Variants in THSD4 observed in about 807,000 individuals in gnomAD.
THSD4 encodes the protein thrombospondin type-1 domain-containing protein 4.
Under a neutral mutation model 119.0 loss-of-function variants are expected in THSD4, and 69 were observed. The ratio of observed to expected loss-of-function variants is 0.58; its 90% CI spans 0.48 to 0.71. The LOEUF is 0.71. THSD4 is among the 30% of genes least tolerant of loss of function. THSD4 has a pLI of 0.00. For missense variants in THSD4, 1,393 were observed against 1,391.1 expected (o/e 1.00, Z -0.02); for synonymous variants, 524 against 540.4 (o/e 0.97, Z 0.42).
chr15:71,097,724 ATATATT>A (rs1242737127), intron 1 of THSD4, among the ~76,000 whole-genome samples: 54 of 133,692 alleles, frequency 4.0e-4, no homozygotes, highest in African/African-American at 1.4e-3. Flanking sequence ...ATATATATAT[ATATATT>A]TTTTTTTTTA....
At chr15:71,347,412 C>A (rs1187722740) in intron 6 of THSD4, among the ~76,000 whole-genome samples, 2 of 152,216 alleles carry the variant, frequency 1.3e-5, no homozygotes, top group African/African-American at 2.4e-5. Context: ...GGGCCACTGC[C>A]AGATGGACAT....
intron 3 of THSD4, chr15:71,165,454 C>G: frequency 1.4e-6 from 2 of 1,382,246 alleles, no homozygotes; most frequent in Non-Finnish European, 2.0e-6. Context: ...CAGAGTCGCC[C>G]AGTGCCCGTC....
intron 4 of THSD4, among the ~76,000 whole-genome samples, chr15:71,220,200 G>C (rs1278538839): frequency 6.6e-6 from 1 of 152,148 alleles, no homozygotes; most frequent in Non-Finnish European, 1.5e-5. Flanking sequence ...GTAGAGATAC[G>C]ACCAGGGTTC....
At chr15:71,254,691 G>A (rs2044294631) in intron 5 of THSD4, among the ~76,000 whole-genome samples, 1 of 152,240 alleles carries the variant, frequency 6.6e-6, no homozygotes, top group South Asian at 2.1e-4. Context: ...CCAAAGGCAT[G>A]TGAAAAGCAT....
At chr15:71,506,663 A>G (rs1393060564) in intron 7 of THSD4, among the ~76,000 whole-genome samples, 1 of 152,234 alleles carries the variant, frequency 6.6e-6, no homozygotes, top group Non-Finnish European at 1.5e-5. Context: ...GTAAAGGATC[A>G]GATGATCCCA....
chr15:71,111,467 AG>A, upstream of THSD4: 4 of 1,448,610 alleles, frequency 2.8e-6, no homozygotes, highest in Admixed American at 2.1e-5. Context: ...GGAGGCAAGC[AG>A]GGGAGGGAAT....
chr15:71,350,331 G>A (rs905405743), intron 6 of THSD4, among the ~76,000 whole-genome samples: 28 of 151,770 alleles, frequency 1.8e-4, no homozygotes, highest in Admixed American at 1.5e-3. Flanking sequence ...TTCGTTTTTG[G>A]CACCTTCACT....
At chr15:71,321,180 G>A (rs969426791) in intron 6 of THSD4, among the ~76,000 whole-genome samples, 1 of 152,170 alleles carries the variant, frequency 6.6e-6, no homozygotes, top group African/African-American at 2.4e-5. Flanking sequence ...CCAGTTATTT[G>A]ACTGAAATAA....
intron 7 of THSD4, among the ~76,000 whole-genome samples, chr15:71,602,713 TGGG>T (rs1217446092): frequency 2.6e-5 from 4 of 152,098 alleles, no homozygotes; most frequent in African/African-American, 7.2e-5. Flanking sequence ...TGCCAGGGGC[TGGG>T]AGTAGAAGGG....
rs140448081 is a variant in THSD4 at position 71,569,600 on chromosome 15, T to A, written c.1153-90930T>A. Among the ~76,000 whole-genome samples the A allele has an allele frequency of 6.5e-3, 992 of 152,346 alleles. 14 individuals carry two copies. The highest frequency in any genetic ancestry group is 0.021 in the African/African-American group (877 of 41,578). Reference sequence around the variant, plus strand: ...GAGTAAGACTGGTGTCTAAACTCCGTGCCTTTACATCTAACTAGAGATGTG... The same window carrying A: ...GAGTAAGACTGGTGTCTAAACTCCGAGCCTTTACATCTAACTAGAGATGTG... On this transcript the variant is annotated intron_variant, in intron 7 of 17. Transcript: ENST00000261862.
chr15:71,115,495 G>A lies in THSD4; in HGVS notation c.-283G>A, dbSNP rs2040350141. The stretch of plus-strand genomic sequence containing the variant: ...CGCAAACTCTGAGCCAGAGCTCTCC[G>A]CGCGCGCCTGAACCGCTGGCCGCCC... On this transcript the variant is annotated 5_prime_UTR_variant, in exon 1 of 18. Transcript: ENST00000261862. The surrounding 1 kb of genome is among the most constrained non-coding windows in gnomAD (Gnocchi z 4.4). 6.6e-6 allele frequency: 1 copy of A among 151,930 alleles called. No homozygotes were observed. The highest frequency in any genetic ancestry group is 2.4e-5 in the African/African-American group (1 of 41,420). 9.4% of individuals were successfully genotyped at this position (151,930 alleles called of 1,614,324 possible).
intron 7 of THSD4, among the ~76,000 whole-genome samples, chr15:71,471,232 C>A (rs2047574823): frequency 1.3e-5 from 2 of 152,096 alleles, no homozygotes; most frequent in African/African-American, 4.8e-5. Context: ...TGGATGTGAG[C>A]ACATGGGCCC....
At chr15:71,264,940 A>T (rs1196830067) in intron 6 of THSD4, among the ~76,000 whole-genome samples, 2 of 152,152 alleles carry the variant, frequency 1.3e-5, no homozygotes, top group African/African-American at 2.4e-5. Context: ...TTAGAGCCCT[A>T]ACCCCCAGCG....
At chr15:71,160,892 A>G (rs541963938) in intron 3 of THSD4, among the ~76,000 whole-genome samples, 1 of 151,642 alleles carries the variant, frequency 6.6e-6, no homozygotes, top group Non-Finnish European at 1.5e-5. Context: ...TATTAGAAAT[A>G]TTTCTTGATT....
intron 7 of THSD4, among the ~76,000 whole-genome samples, chr15:71,633,646 A>C (rs112846936): frequency 1.3e-4 from 20 of 152,320 alleles, no homozygotes; most frequent in African/African-American, 4.8e-4. Flanking sequence ...ATATTTGTAT[A>C]AATTATTAAT....
chr15:71,195,871 AC>A (rs2043715073), intron 3 of THSD4, among the ~76,000 whole-genome samples: 1 of 152,156 alleles, frequency 6.6e-6, no homozygotes, highest in African/African-American at 2.4e-5. Flanking sequence ...ATATTCAATA[AC>A]CTGCAAGCTG....
intron 6 of THSD4, among the ~76,000 whole-genome samples, chr15:71,318,217 T>C (rs1215923648): frequency 6.6e-5 from 10 of 152,110 alleles, no homozygotes; most frequent in Admixed American, 6.5e-4. Context: ...GCAGTGAATT[T>C]GGGAAGACAG....
chr15:71,577,091 C>CA lies in THSD4; in HGVS notation c.1153-83425dup, dbSNP rs33941509. 4.3e-3 allele frequency among the ~76,000 whole-genome samples: 609 copies of CA among 142,540 alleles called. 6 individuals carry two copies. Among genetic ancestry groups the CA allele is most frequent in the African/African-American group, 0.013 (515 of 38,346 alleles). The allele number at this position is 142,540 out of a possible 152,430, so 93.5% of individuals were successfully genotyped here. Reference sequence around the variant, plus strand: ...AGAGTATATTACATGATTGTCCTAACAAAAAAAAAAAAAACCTTTAGTACT... The same window carrying CA: ...AGAGTATATTACATGATTGTCCTAACAAAAAAAAAAAAAAACCTTTAGTACT... On this transcript the variant is annotated intron_variant, in intron 7 of 17. Transcript: ENST00000261862.
At chr15:71,767,022 T>G (rs999106438) in intron 16 of THSD4, 2 of 152,202 alleles carry the variant, frequency 1.3e-5, no homozygotes, top group Non-Finnish European at 2.9e-5. Context: ...CATGGGAATT[T>G]TTTGTCTGCA....
Sources: gnomAD v4.1 joint callset for allele counts (sites outside exome capture counted in the v4.1 genomes callset) on GRCh38, gnomAD v4.1.1 for gene constraint, Gnocchi (gnomAD v3.1) non-coding constraint, MANE v1.5 for transcripts, NCBI Gene and HGNC (gene_info 2026-07-23, HGNC 2026-07-21) for gene names.